CDKN2A: variants seen among roughly 807,000 people sequenced by gnomAD.
CDKN2A encodes the protein cyclin-dependent kinase inhibitor 2A.
CDKN2A carries 3 observed loss-of-function variants against 11.1 expected under a neutral mutation model. The ratio of observed to expected loss-of-function variants is 0.27; its 90% CI spans 0.12 to 0.70. The LOEUF is 0.70. CDKN2A is among the 30% of genes least tolerant of loss of function. CDKN2A has a pLI of 0.77. For missense variants in CDKN2A, 265 were observed against 233.6 expected (o/e 1.13, Z -0.88); for synonymous variants, 122 against 108.1 (o/e 1.13, Z -0.80).
chr9:21,973,966 C>CT (rs1294475703), intron 1 of CDKN2A, among the ~76,000 whole-genome samples: 3 of 152,144 alleles, frequency 2.0e-5, no homozygotes, highest in African/African-American at 7.2e-5. Context: ...TCGCTGTTCA[C>CT]TACAACCTCA....
At position 21,974,594 on chromosome 9, in the gene CDKN2A, GCTAC is replaced by G. The variant is rs759239111; in HGVS notation, c.150+80_150+83del. On this transcript the variant is annotated intron_variant, in intron 1 of 2. Coordinates refer to ENST00000304494, the MANE Select transcript of CDKN2A (RefSeq NM_000077.5). This position sits in a 1 kb window ranked among gnomAD's most constrained non-coding sequence, Gnocchi z 5.2. The stretch of plus-strand genomic sequence containing the variant: ...TCCCCTTTTTCCGGAGAATCGAAGC[GCTAC>G]CTGATTCCAATTCCCCTGCAAACTT... 6.2e-7 allele frequency: 1 copy of G among 1,613,950 alleles called. No homozygotes were observed. The highest frequency in any genetic ancestry group is 1.7e-5 in the Admixed American group (1 of 60,022).
chr9:21,978,763 G>A (rs1820101025), upstream of CDKN2A, among the ~76,000 whole-genome samples: 1 of 152,098 alleles, frequency 6.6e-6, no homozygotes, highest in Non-Finnish European at 1.5e-5. Flanking sequence ...CAGAAACTAA[G>A]GGCAGACATG....
In CDKN2A at chr9:21,971,054, G is replaced by A. The variant is rs137854598; in HGVS notation, c.305C>T (p.Ala102Val). 5 of 1,605,312 alleles carry A rather than the reference G, an allele frequency of 3.1e-6. No individual in the cohort carries two copies. In the South Asian group the frequency reaches 5.5e-5, roughly 18 times the overall value. ...DTLVVLHRAG[A>V]RLDVRDAWGR... is the part of the protein sequence containing the mutation. ...CCAGGCATCGCGCACGTCCAGCCGC[G>A]CCCCGGCCCGGTGCAGCACCACCAG... The change falls in exon 2 of 3, where the codon GCG becomes GTG. Residue 102 changes from alanine to valine, a missense_variant. Physicochemically the swap from Ala to Val is moderately conservative, Grantham distance 64. Transcript: ENST00000304494.
At chr9:21,973,559 T>G (rs369611599) in intron 1 of CDKN2A, among the ~76,000 whole-genome samples, 160 of 152,096 alleles carry the variant, frequency 1.1e-3, no homozygotes, top group African/African-American at 3.8e-3. Context: ...ATTTTAGAGA[T>G]GCTAAGTTAC....
At chr9:21,975,119 C>A (rs941006197), upstream of CDKN2A, 2 of 1,247,234 alleles carry the variant, frequency 1.6e-6, no homozygotes, top group Non-Finnish European at 2.0e-6. Context: ...GGGCACCAGC[C>A]GGAAGCAGCC....
intron 2 of CDKN2A, chr9:21,970,404 G>A: frequency 3.3e-6 from 1 of 307,354 alleles, no homozygotes; most frequent in Non-Finnish European, 6.1e-6. Context: ...AGCTGAGGAG[G>A]GTCAGATTAG....
intron 2 of CDKN2A, among the ~76,000 whole-genome samples, chr9:21,990,620 G>T (rs1277039851): frequency 7.5e-6 from 1 of 133,804 alleles, no homozygotes; most frequent in Non-Finnish European, 1.5e-5. Flanking sequence ...GTGAGAGAGA[G>T]AGAGAGAGAG....
upstream of CDKN2A, among the ~76,000 whole-genome samples, chr9:21,976,393 A>T (rs1344993518): frequency 6.7e-6 from 1 of 148,722 alleles, no homozygotes; most frequent in Non-Finnish European, 1.5e-5. Flanking sequence ...AAAAAAAAAA[A>T]AATGCTTTGG....
rs1820420418 is a variant in CDKN2A, at chr9:21,991,166, T to C, written c.-4+2716A>G. ...TATCACGTTGGTTTTTGTATCAGGCTGGGCTTTGCAGCAGATGGAGGAGCT... is the reference window on the plus strand; with the variant it reads ...TATCACGTTGGTTTTTGTATCAGGCCGGGCTTTGCAGCAGATGGAGGAGCT... On this transcript the variant is annotated intron_variant, in intron 2 of 3. Coordinates refer to the CDKN2A transcript ENST00000494262. This position sits in a 1 kb window ranked among gnomAD's most constrained non-coding sequence, Gnocchi z 5.2. Among the ~76,000 whole-genome samples, 1 of 152,354 alleles carries C rather than the reference T, an allele frequency of 6.6e-6. No homozygotes were observed. Among genetic ancestry groups the C allele is most frequent in the East Asian group, 1.9e-4 (1 of 5,194 alleles).
At position 21,995,110 on chromosome 9, in the gene CDKN2A, G is replaced by C. The variant is rs74582729; in HGVS notation, c.-465C>G. 6.6e-6 allele frequency: 1 copy of C among 152,140 alleles called. No homozygotes were observed. The highest frequency in any genetic ancestry group is 1.9e-4 in the East Asian group (1 of 5,160). The allele number at this position is 152,140 out of a possible 1,614,324, so 9.4% of individuals were successfully genotyped here. ...CGCCTCTGACGCGACATCTGGACAC[G>C]GCGCGGCGCTGGCGCTGCCGGAGCT... is the stretch of plus-strand genomic sequence containing the variant. On this transcript the variant is annotated 5_prime_UTR_variant, in exon 1 of 4. Coordinates refer to the CDKN2A transcript ENST00000494262. The surrounding 1 kb of genome is among the most constrained non-coding windows in gnomAD (Gnocchi z 5.7).
At chr9:21,994,259 C>G in intron 1 of CDKN2A, 1 of 1,605,444 alleles carries the variant, frequency 6.2e-7, no homozygotes, top group Non-Finnish European at 8.5e-7. Flanking sequence ...GGGATGTGAA[C>G]CACGAAAACC....
intron 2 of CDKN2A, among the ~76,000 whole-genome samples, chr9:21,984,123 C>A (rs556387560): frequency 9.2e-5 from 14 of 151,932 alleles, no homozygotes; most frequent in Admixed American, 3.3e-4. Context: ...AAATAAATGT[C>A]CTTTTGAGTA....
intron 2 of CDKN2A, 168 bp downstream of exon 2, chr9:21,970,734 C>T (rs980030531): frequency 9.8e-6 from 8 of 816,774 alleles, no homozygotes; most frequent in Non-Finnish European, 1.6e-5. Flanking sequence ...CATTTGCCGC[C>T]CTGGCGGGGC....
intron 2 of CDKN2A, chr9:21,993,805 G>GTT (rs1336356833): frequency 7.9e-5 from 8 of 101,632 alleles, no homozygotes; most frequent in Non-Finnish European, 1.3e-4. Context: ...CCTACTGTGT[G>GTT]TGTGTGTGTG....
chr9:21,989,038 C>T lies in CDKN2A; in HGVS notation c.-4+4844G>A, dbSNP rs566478701. On this transcript the variant is annotated intron_variant, in intron 2 of 3. Coordinates refer to the CDKN2A transcript ENST00000494262. ...GTTTTGTATGTGATTTAAAATCATT[C>T]CTGTAATTTCTTCTGTTTATATGGC... is the stretch of plus-strand genomic sequence containing the variant. 1.8e-3 allele frequency among the ~76,000 whole-genome samples: 268 copies of T among 152,286 alleles called. 2 individuals carry two copies. Among genetic ancestry groups the T allele is most frequent in the African/African-American group, 6.2e-3 (259 of 41,558 alleles).
chr9:21,994,349 G>A (rs1171461037), intron 1 of CDKN2A: 1 of 1,606,790 alleles, frequency 6.2e-7, no homozygotes, highest in South Asian at 1.1e-5. Context: ...CCGCCTCCAG[G>A]GCCGAGCTCG....
Position 21,974,856 on chromosome 9 carries a change from T to G in CDKN2A, c.-29A>C, listed in dbSNP as rs905989465. 1 of 1,520,306 alleles carries G rather than the reference T, an allele frequency of 6.6e-7. No homozygotes were observed. The highest frequency in any genetic ancestry group is 2.2e-5 in the Admixed American group (1 of 45,976). The allele number at this position is 1,520,306 out of a possible 1,614,324, so 94.2% of individuals were successfully genotyped here. ...GCTCCCCGCCGCCCGCTGCCTGCTC[T>G]CCCCCTCTCCGCAGCCGCCGAGCGC... On this transcript the variant is annotated 5_prime_UTR_variant, in exon 1 of 3. Coordinates refer to ENST00000304494, the MANE Select transcript of CDKN2A (RefSeq NM_000077.5). The surrounding 1 kb of genome is among the most constrained non-coding windows in gnomAD (Gnocchi z 5.2).
intron 2 of CDKN2A, among the ~76,000 whole-genome samples, chr9:21,986,635 G>T (rs1820303806): frequency 6.6e-6 from 1 of 151,944 alleles, no homozygotes; most frequent in Non-Finnish European, 1.5e-5. Context: ...AAAACATAAG[G>T]ATATTGTGAT....
chr9:21,993,293 A>G (rs1458416356), intron 2 of CDKN2A, among the ~76,000 whole-genome samples: 1 of 152,240 alleles, frequency 6.6e-6, no homozygotes, highest in East Asian at 1.9e-4. Flanking sequence ...AGGAAATTAC[A>G]CTGGCTGTGT....
Sources: gnomAD v4.1 joint callset for allele counts (sites outside exome capture counted in the v4.1 genomes callset) on GRCh38, gnomAD v4.1.1 for gene constraint, Gnocchi (gnomAD v3.1) non-coding constraint, MANE v1.5 for transcripts, NCBI Gene and HGNC (gene_info 2026-07-23, HGNC 2026-07-21) for gene names.